The following IRAK4 variants were observed in gnomAD, a reference collection of about 807,000 sequenced individuals.
IRAK4 encodes the protein interleukin-1 receptor-associated kinase 4.
In IRAK4, 44 loss-of-function variants were observed where a neutral mutation model predicts 51.8. The ratio of observed to expected loss-of-function variants is 0.85; its 90% CI spans 0.67 to 1.09. IRAK4 has a LOEUF of 1.09. Ranked by LOEUF, IRAK4 falls within the 50% of genes least tolerant of loss-of-function variation. The pLI is 0.00. For missense variants in IRAK4, 487 were observed against 538.0 expected (o/e 0.91, Z 0.94); for synonymous variants, 149 against 174.1 (o/e 0.86, Z 1.13).
chr12:43,782,492 T>A lies in IRAK4; in HGVS notation c.1125+2T>A. On this transcript the variant is annotated splice_donor_variant, in intron 9 of 11. Transcript: ENST00000613694. LOFTEE classifies it high-confidence loss of function. ...TCTGATATTTACAGCTTTGGTGTGG[T>A]AAGTTCCGTATACATAATTATTAAA... 1 of 1,607,478 alleles carries A rather than the reference T, an allele frequency of 6.2e-7. No homozygotes were observed. Among genetic ancestry groups the A allele is most frequent in the Non-Finnish European group, 8.5e-7 (1 of 1,174,064 alleles).
In IRAK4 at chr12:43,783,744, T is replaced by C; in HGVS notation, c.1188+20T>C. On this transcript the variant is annotated intron_variant, in intron 10 of 11. Coordinates refer to ENST00000613694, the MANE Select transcript of IRAK4 (RefSeq NM_016123.4). ...TTATTGGTAAATGAAATATTCATTT[T>C]CCTCAATCCTTTTTTCTCTGCTTTT... The C allele has an allele frequency of 6.6e-7, 1 of 1,522,036 alleles. No homozygotes were observed. The highest frequency in any genetic ancestry group is 9.1e-7 in the Non-Finnish European group (1 of 1,098,472). The allele number at this position is 1,522,036 out of a possible 1,614,324, so 94.3% of individuals were successfully genotyped here.
chr12:43,780,730 C>T (rs1335969561), intron 8 of IRAK4, among the ~76,000 whole-genome samples: 1 of 152,110 alleles, frequency 6.6e-6, no homozygotes. Context: ...CACCACCACG[C>T]TCTGCTAATT....
chr12:43,778,028 A>T (rs1425493948), intron 7 of IRAK4, among the ~76,000 whole-genome samples, 165 bp from the exon 8 acceptor site: 1 of 152,040 alleles, frequency 6.6e-6, no homozygotes, highest in African/African-American at 2.4e-5. Flanking sequence ...CACCCATTTG[A>T]GCTTATTTAG....
At chr12:43,785,560 C>T (rs2138076718) in intron 10 of IRAK4, among the ~76,000 whole-genome samples, 1 of 150,380 alleles carries the variant, frequency 6.6e-6, no homozygotes, top group East Asian at 1.9e-4. Context: ...AATTGGAAGG[C>T]AAATGGGTGG....
At chr12:43,779,473 T>C (rs1462516778) in intron 8 of IRAK4, among the ~76,000 whole-genome samples, 2 of 152,164 alleles carry the variant, frequency 1.3e-5, no homozygotes, top group Non-Finnish European at 2.9e-5. Flanking sequence ...GCAAAGATGA[T>C]TTTAACTCTA....
At chr12:43,767,634 CG>C (rs764763332) in intron 1 of IRAK4, among the ~76,000 whole-genome samples, 95 of 150,466 alleles carry the variant, frequency 6.3e-4, no homozygotes, top group African/African-American at 1.6e-3. Flanking sequence ...CATTTCAGTA[CG>C]TTTTTTTTTT....
chr12:43,783,193 C>T (rs1432771569), intron 9 of IRAK4, among the ~76,000 whole-genome samples: 1 of 152,012 alleles, frequency 6.6e-6, no homozygotes, highest in Non-Finnish European at 1.5e-5. Context: ...CATGTTCTTT[C>T]CACTTTAATA....
intron 9 of IRAK4, among the ~76,000 whole-genome samples, chr12:43,782,907 G>A (rs1394041227): frequency 6.6e-6 from 1 of 152,074 alleles, no homozygotes; most frequent in Non-Finnish European, 1.5e-5. Context: ...TTTTTCATAC[G>A]TGTTTCATAT....
rs1317714318 is a variant in IRAK4 at position 43,786,422 on chromosome 12, AGAT to A, written c.1215_1217del (p.Asp405del). 6 of 1,593,576 alleles carry A rather than the reference AGAT, an allele frequency of 3.8e-6. No homozygotes were observed. The highest frequency in any genetic ancestry group is 5.1e-6 in the Non-Finnish European group (6 of 1,169,216). On this transcript the variant is annotated inframe_deletion, in exon 11 of 12. Transcript: ENST00000613694. ...AGCTAGATATTAAAGAAGAAATTGA[AGAT>A]GAAGAAAAGACAATTGAAGATTATA... is the stretch of plus-strand genomic sequence containing the variant.
chr12:43,786,644 A>G lies in IRAK4; in HGVS notation c.1348-36A>G, dbSNP rs372783523. ...GTGTATATTTTAAAGCAACTGTATAATGTGGTTCTTTTGTTTTTTTCTTTC... is the reference window on the plus strand; with the variant it reads ...GTGTATATTTTAAAGCAACTGTATAGTGTGGTTCTTTTGTTTTTTTCTTTC... On this transcript the variant is annotated intron_variant, in intron 11 of 11. Coordinates refer to ENST00000613694, the MANE Select transcript of IRAK4 (RefSeq NM_016123.4). 11 of 1,611,158 alleles carry G rather than the reference A, an allele frequency of 6.8e-6. No individual in the cohort carries two copies. In the South Asian group the frequency reaches 1.1e-4, roughly 16 times the overall value.
intron 4 of IRAK4, 71 bp downstream of exon 4, chr12:43,772,433 C>G (rs1415813258): frequency 7.2e-7 from 1 of 1,387,604 alleles, no homozygotes; most frequent in East Asian, 2.3e-5. Context: ...AAAGAAAGCT[C>G]TTGCTCTTTT....
chr12:43,766,076 A>G (rs575128575), intron 1 of IRAK4, among the ~76,000 whole-genome samples: 1 of 152,286 alleles, frequency 6.6e-6, no homozygotes, highest in African/African-American at 2.4e-5. Context: ...CCACTTAACC[A>G]TATAAGATTA....
intron 8 of IRAK4, among the ~76,000 whole-genome samples, chr12:43,780,944 T>C (rs1841663429): frequency 6.6e-6 from 1 of 152,220 alleles, no homozygotes. Context: ...CTTTTGAATC[T>C]GTATTATTAG....
chr12:43,770,031 G>A (rs190262884), intron 2 of IRAK4, among the ~76,000 whole-genome samples: 47 of 152,248 alleles, frequency 3.1e-4, no homozygotes, highest in Admixed American at 6.5e-4. Flanking sequence ...TTCAATTGGT[G>A]AATCTAGGTG....
At chr12:43,763,796 CT>C (rs1939828771) in intron 1 of IRAK4, among the ~76,000 whole-genome samples, 1 of 151,758 alleles carries the variant, frequency 6.6e-6, no homozygotes, top group Admixed American at 6.6e-5. Flanking sequence ...CATTCACTCA[CT>C]TTTTCACTAT....
intron 1 of IRAK4, among the ~76,000 whole-genome samples, chr12:43,762,851 G>GA (rs1311957282): frequency 6.6e-6 from 1 of 152,192 alleles, no homozygotes; most frequent in East Asian, 1.9e-4. Context: ...CTGTTTCACA[G>GA]AAAAAATAAC....
intron 2 of IRAK4, among the ~76,000 whole-genome samples, chr12:43,770,820 G>A (rs1019590496): frequency 6.6e-6 from 1 of 152,194 alleles, no homozygotes; most frequent in African/African-American, 2.4e-5. Flanking sequence ...CAACAGGGTT[G>A]ATAGGTGGGA....
chr12:43,769,933 G>C (rs1268818834), intron 2 of IRAK4, among the ~76,000 whole-genome samples: 1 of 152,040 alleles, frequency 6.6e-6, no homozygotes, highest in Non-Finnish European at 1.5e-5. Flanking sequence ...AAGACATCTG[G>C]CCCGTATTCT....
intron 6 of IRAK4, among the ~76,000 whole-genome samples, chr12:43,774,633 A>G (rs994313636): frequency 2.0e-5 from 3 of 152,240 alleles, no homozygotes; most frequent in Non-Finnish European, 2.9e-5. Context: ...AATTCATGAG[A>G]GATCAATTGT....
Sources: allele counts gnomAD v4.1 joint callset (sites outside exome capture counted in the v4.1 genomes callset), GRCh38; gene constraint gnomAD v4.1.1; transcripts MANE v1.5; gene names NCBI Gene and HGNC (gene_info 2026-07-23, HGNC 2026-07-21).